Variants in ADAMTS2 observed in about 807,000 individuals in gnomAD.
The protein encoded by ADAMTS2 is ADAM metallopeptidase with thrombospondin type 1 motif 2.
Under a neutral mutation model 123.0 loss-of-function variants are expected in ADAMTS2, and 50 were observed. The ratio of observed to expected loss-of-function variants is 0.41; its 90% CI spans 0.32 to 0.51. ADAMTS2 has a LOEUF of 0.51. Ranked by LOEUF, ADAMTS2 falls within the 20% of genes least tolerant of loss-of-function variation. The pLI is 0.35. For synonymous variants in ADAMTS2, 678 were observed against 695.4 expected, an observed-to-expected ratio of 0.98 and a Z score of 0.39; for missense variants, 1,494 against 1,705.2, an observed-to-expected ratio of 0.88 and a Z score of 2.18.
rs763392299 is a variant in ADAMTS2 at position 179,345,249 on chromosome 5, A to AGCG, written c.77_79dup (p.Pro26dup). Reference sequence around the variant, plus strand: ...CGCGGGCGGCGGCGGCGGCGGCAGGAGCGGCGGCGGCAGCAGCAGCAGCAG... The same window carrying AGCG: ...CGCGGGCGGCGGCGGCGGCGGCAGGAGCGGCGGCGGCGGCAGCAGCAGCAGCAG... On this transcript the variant is annotated inframe_insertion, in exon 1 of 22. Transcript: ENST00000251582. This position sits in a 1 kb window ranked among gnomAD's most constrained non-coding sequence, Gnocchi z 7.5. 737 of 1,139,720 alleles carry AGCG rather than the reference A, an allele frequency of 6.5e-4. No homozygotes were observed. Among genetic ancestry groups the AGCG allele is most frequent in the African/African-American group, 3.1e-3 (181 of 58,966 alleles). 70.6% of individuals were successfully genotyped at this position (1,139,720 alleles called of 1,614,324 possible). A position where few individuals can be genotyped will look rare whatever the true frequency, so the allele number is the denominator to read the frequency against.
intron 5 of ADAMTS2, among the ~76,000 whole-genome samples, chr5:179,161,032 G>A (rs1364205004): frequency 2.6e-5 from 4 of 152,152 alleles, no homozygotes; most frequent in Admixed American, 2.0e-4. Flanking sequence ...AACATACAGC[G>A]TGAGCAGGAA....
chr5:179,306,227 G>A (rs924672202), intron 2 of ADAMTS2, among the ~76,000 whole-genome samples: 2 of 151,514 alleles, frequency 1.3e-5, no homozygotes, highest in African/African-American at 4.8e-5. Context: ...GCAAAACACT[G>A]GCAAGTCTAG....
In ADAMTS2 at chr5:179,331,288, A is replaced by G. The variant is rs1269750916; in HGVS notation, c.534+12479T>C. Among the ~76,000 whole-genome samples the G allele has an allele frequency of 2.2e-5, 3 of 139,002 alleles. 1 individual carries two copies. The highest frequency in any genetic ancestry group is 4.6e-5 in the Non-Finnish European group (3 of 64,706). The allele number at this position is 139,002 out of a possible 152,430, so 91.2% of individuals were successfully genotyped here. A position where few individuals can be genotyped will look rare whatever the true frequency, so the allele number is the denominator to read the frequency against. The stretch of plus-strand genomic sequence containing the variant: ...GGGAGAGGACATAAAGGGAGAATGG[A>G]GAGAAAAGGGAAAAAGGGGAGATGA... On this transcript the variant is annotated intron_variant, in intron 2 of 21. Transcript: ENST00000251582.
chr5:179,293,707 G>C (rs1046981170), intron 2 of ADAMTS2, among the ~76,000 whole-genome samples: 1 of 152,152 alleles, frequency 6.6e-6, no homozygotes, highest in East Asian at 1.9e-4. Flanking sequence ...TCCACCTCCT[G>C]GGTTCAAGTG....
Position 179,113,930 on chromosome 5 carries a change from T to C in ADAMTS2, c.3573A>G (p.Arg1191=), listed in dbSNP as rs540177122. ...CAATGAGCTCTTGGATTCTTTGGTT[T>C]CTGGTCTTTTCATAGGGGCTCGGTC... The part of the protein sequence containing the change: ...PRRPSPYEKT[R]NQRIQELIDE... Residue 1191 remains arginine, a synonymous_variant, in exon 22 of 22, where the codon AGA becomes AGG. Transcript: ENST00000251582. 1.5e-5 allele frequency: 25 copies of C among 1,614,230 alleles called. No individual in the cohort carries two copies. The South Asian group carries it at 2.7e-4, about 18-fold the overall frequency.
intron 2 of ADAMTS2, chr5:179,341,378 A>C: frequency 2.6e-6 from 1 of 386,794 alleles, no homozygotes; most frequent in South Asian, 1.9e-5. Flanking sequence ...GGAAGGAAGG[A>C]AAGAGAAGAG....
In ADAMTS2 at chr5:179,153,633, A is replaced by C; in HGVS notation, c.1383-10T>G. The C allele has an allele frequency of 6.3e-7, 1 of 1,599,846 alleles. No homozygotes were observed. The highest frequency in any genetic ancestry group is 8.5e-7 in the Non-Finnish European group (1 of 1,179,046). ...CAGGCAGTCATAGGAGCTGTGGGGG[A>C]CACACGGTGCCGCGAGCAGCCTTCA... On this transcript the variant is annotated splice_polypyrimidine_tract_variant and intron_variant, in intron 8 of 21. Transcript: ENST00000251582.
intron 4 of ADAMTS2, among the ~76,000 whole-genome samples, chr5:179,205,466 T>G (rs252063): frequency 1.3e-5 from 2 of 152,162 alleles, no homozygotes; most frequent in Non-Finnish European, 2.9e-5. Context: ...ATGAGAAAAC[T>G]AAGGCTCAGA....
At position 179,181,062 on chromosome 5, in the gene ADAMTS2, G is replaced by T; in HGVS notation, c.975+10C>A. On this transcript the variant is annotated intron_variant, in intron 5 of 21. Coordinates refer to ENST00000251582, the MANE Select transcript of ADAMTS2 (RefSeq NM_014244.5). The surrounding 1 kb of genome is among the most constrained non-coding windows in gnomAD (Gnocchi z 4.1). The stretch of plus-strand genomic sequence containing the variant: ...GTGGAGGCAGGCCCGGCTGGCCACA[G>T]TGCACTCACCTTTCCATAGCTCAGG... 6.2e-7 allele frequency: 1 copy of T among 1,612,274 alleles called. No individual in the cohort carries two copies. Among genetic ancestry groups the T allele is most frequent in the South Asian group, 1.1e-5 (1 of 91,048 alleles).
intron 5 of ADAMTS2, among the ~76,000 whole-genome samples, chr5:179,174,807 TCC>T (rs1561790059): frequency 1.3e-5 from 2 of 151,806 alleles, no homozygotes; most frequent in Non-Finnish European, 2.9e-5. Flanking sequence ...GGAAGTCTCT[TCC>T]TTGCTTGGGT....
intron 6 of ADAMTS2, among the ~76,000 whole-genome samples, chr5:179,157,647 A>T (rs1763502535): frequency 6.6e-6 from 1 of 151,880 alleles, no homozygotes; most frequent in South Asian, 2.1e-4. Flanking sequence ...CTGGGACTAC[A>T]GGCATCCACC....
intron 3 of ADAMTS2, among the ~76,000 whole-genome samples, chr5:179,243,677 G>C (rs1472566087): frequency 3.3e-5 from 5 of 152,302 alleles, no homozygotes; most frequent in African/African-American, 1.2e-4. Context: ...GGCGGCAACA[G>C]ACACTGCTGG....
intron 2 of ADAMTS2, among the ~76,000 whole-genome samples, chr5:179,302,952 A>C (rs1756572774): frequency 8.3e-6 from 1 of 120,682 alleles, no homozygotes; most frequent in African/African-American, 3.0e-5. Context: ...ACAGGAGGGC[A>C]GAGTGGTGGG....
At chr5:179,121,863 C>T (rs577472341) in intron 20 of ADAMTS2, 113 bp from the exon 21 acceptor site, 3 of 672,420 alleles carry the variant, frequency 4.5e-6, no homozygotes, top group East Asian at 3.0e-5. Context: ...TCAAGGCCCT[C>T]GCCTCCCCGG....
At position 179,170,745 on chromosome 5, in the gene ADAMTS2, G is replaced by A. The variant is rs563971733; in HGVS notation, c.975+10327C>T. On this transcript the variant is annotated intron_variant, in intron 5 of 21. Transcript: ENST00000251582. This position sits in a 1 kb window ranked among gnomAD's most constrained non-coding sequence, Gnocchi z 4.3. Reference sequence around the variant, plus strand: ...CCTTGCCGGTGCTCACCACTCTGTCGCTGTCTTGTCTGCTGCTACTGCCTG... The same window carrying A: ...CCTTGCCGGTGCTCACCACTCTGTCACTGTCTTGTCTGCTGCTACTGCCTG... Among the ~76,000 whole-genome samples the A allele has an allele frequency of 7.2e-5, 11 of 152,276 alleles. No individual in the cohort carries two copies. The highest frequency in any genetic ancestry group is 3.9e-4 in the Admixed American group (6 of 15,298).
rs1343830060 is a variant in ADAMTS2 at position 179,113,284 on chromosome 5, C to G, written c.*583G>C. On this transcript the variant is annotated 3_prime_UTR_variant, in exon 22 of 22. Coordinates refer to ENST00000251582, the MANE Select transcript of ADAMTS2 (RefSeq NM_014244.5). ...TCACAGTGGCAGCAACAGCCAGAAC[C>G]AAGTCAGCTCCAGGTGGGTGTGGCT... 1 of 161,930 alleles carries G rather than the reference C, an allele frequency of 6.2e-6. No individual in the cohort carries two copies. The highest frequency in any genetic ancestry group is 1.4e-5 in the Non-Finnish European group (1 of 73,008). 10.0% of individuals were successfully genotyped at this position (161,930 alleles called of 1,614,324 possible). A position where few individuals can be genotyped will look rare whatever the true frequency, so the allele number is the denominator to read the frequency against.
intron 10 of ADAMTS2, among the ~76,000 whole-genome samples, chr5:179,148,201 C>G (rs1414951344): frequency 1.3e-5 from 2 of 152,102 alleles, no homozygotes; most frequent in African/African-American, 4.8e-5. Flanking sequence ...GACCGCACTC[C>G]CTTCCCTCCC....
rs556602889 is a variant in ADAMTS2, at chr5:179,148,740, C to T, written c.1629+3402G>A. Among the ~76,000 whole-genome samples the T allele has an allele frequency of 2.6e-4, 39 of 152,094 alleles. No individual in the cohort carries two copies. In the South Asian group the frequency reaches 7.9e-3, roughly 31 times the overall value. ...TCTCCCCTTCCTTCCTAGCAAAGGC[C>T]CCTCATTCTCATGCCTTGCTAAAAC... On this transcript the variant is annotated intron_variant, in intron 10 of 21. Coordinates refer to ENST00000251582, the MANE Select transcript of ADAMTS2 (RefSeq NM_014244.5).
chr5:179,339,396 G>A (rs1561769551), intron 2 of ADAMTS2, among the ~76,000 whole-genome samples: 1 of 152,232 alleles, frequency 6.6e-6, no homozygotes, highest in Non-Finnish European at 1.5e-5. Context: ...GCAGGGCTGA[G>A]AAATGGATAG....
Sources: gnomAD v4.1 joint callset for allele counts (sites outside exome capture counted in the v4.1 genomes callset) on GRCh38, gnomAD v4.1.1 for gene constraint, Gnocchi (gnomAD v3.1) non-coding constraint, MANE v1.5 for transcripts, NCBI Gene and HGNC (gene_info 2026-07-23, HGNC 2026-07-21) for gene names.